The following USH2A variants were observed in gnomAD, a reference collection of about 807,000 sequenced individuals.
USH2A encodes the protein Usher syndrome 2A (autosomal recessive, mild).
In USH2A, 443 loss-of-function variants were observed where a neutral mutation model predicts 538.9. The ratio of observed to expected loss-of-function variants is 0.82; its 90% CI spans 0.76 to 0.89. The LOEUF (loss-of-function observed/expected upper bound fraction) is 0.89. Among genes scored for constraint, USH2A ranks in the 40% least tolerant of loss-of-function variants. The pLI is 0.00. For synonymous variants in USH2A, 2,413 were observed against 2,273.5 expected (o/e 1.06, Z -1.75); for missense variants, 6,633 against 6,324.8 (o/e 1.05, Z -1.65).
chr1:216,372,527 C>G (rs2038732300), intron 3 of USH2A, among the ~76,000 whole-genome samples: 2 of 152,114 alleles, frequency 1.3e-5, no homozygotes, highest in South Asian at 4.1e-4. Context: ...AAACAAGTCT[C>G]CATTTAATTG....
chr1:215,791,290 TTTTG>T (rs1217971153), intron 50 of USH2A, among the ~76,000 whole-genome samples: 11 of 152,358 alleles, frequency 7.2e-5, no homozygotes, highest in African/African-American at 1.2e-4. Flanking sequence ...TTAATTGGAA[TTTTG>T]TTTGTTTATT....
chr1:215,718,549 C>T (rs1659553073), intron 61 of USH2A, among the ~76,000 whole-genome samples: 1 of 152,200 alleles, frequency 6.6e-6, no homozygotes, highest in Non-Finnish European at 1.5e-5. Flanking sequence ...ACCTCTTGCT[C>T]TAATGCAATT....
intron 3 of USH2A, among the ~76,000 whole-genome samples, chr1:216,389,473 G>T (rs1025540399): frequency 6.6e-6 from 1 of 152,044 alleles, no homozygotes; most frequent in Non-Finnish European, 1.5e-5. Flanking sequence ...TTCTTCCAGA[G>T]AAATTAACTA....
chr1:216,176,576 C>T (rs1457412284), intron 20 of USH2A, among the ~76,000 whole-genome samples: 1 of 152,126 alleles, frequency 6.6e-6, no homozygotes, highest in Non-Finnish European at 1.5e-5. Flanking sequence ...ATTCAAAGTA[C>T]ATAGTTTCCA....
At position 216,111,179 on chromosome 1, in the gene USH2A, C is replaced by A. The variant is rs372315618; in HGVS notation, c.4628-13966G>T. 9.2e-5 allele frequency among the ~76,000 whole-genome samples: 14 copies of A among 152,160 alleles called. No individual in the cohort carries two copies. The East Asian group carries it at 2.3e-3, about 25-fold the overall frequency. On this transcript the variant is annotated intron_variant, in intron 21 of 71. Transcript: ENST00000307340. ...GCGGAGGTTGGAGGTTGCAGTGAGC[C>A]GAGATCGTGCCACTGCACTCTAGCC...
intron 50 of USH2A, among the ~76,000 whole-genome samples, chr1:215,792,848 A>C (rs555985616): frequency 6.6e-6 from 1 of 152,364 alleles, no homozygotes; most frequent in South Asian, 2.1e-4. Flanking sequence ...AAAATAGGTC[A>C]TGCATTATTG....
chr1:215,964,121 A>C (rs1316132163), intron 37 of USH2A, among the ~76,000 whole-genome samples: 1 of 152,154 alleles, frequency 6.6e-6, no homozygotes, highest in African/African-American at 2.4e-5. Context: ...CTCTGCAAAA[A>C]CAATGCAAGA....
At chr1:215,952,212 T>C (rs1666938553) in intron 37 of USH2A, among the ~76,000 whole-genome samples, 1 of 152,192 alleles carries the variant, frequency 6.6e-6, no homozygotes, top group Non-Finnish European at 1.5e-5. Flanking sequence ...CCCCTGACTT[T>C]TTTAGTTTTC....
chr1:215,641,809 C>T (rs1468098229), intron 67 of USH2A, among the ~76,000 whole-genome samples: 1 of 152,044 alleles, frequency 6.6e-6, no homozygotes, highest in Non-Finnish European at 1.5e-5. Context: ...TTGTAATATT[C>T]AACCGTAAAG....
chr1:215,732,447 T>C (rs1021015761), intron 60 of USH2A, among the ~76,000 whole-genome samples: 10 of 152,074 alleles, frequency 6.6e-5, no homozygotes, highest in African/African-American at 2.2e-4. Context: ...TATAGTTTCT[T>C]ATATTCCATT....
At chr1:216,265,635 GAT>G (rs55801516) in intron 11 of USH2A, among the ~76,000 whole-genome samples, 142,184 of 149,298 alleles carry the variant, frequency 0.95, 67,705 homozygotes, top group East Asian at 0.98. Context: ...AAGAAAATTT[GAT>G]ATATATATAT....
rs1042775806 is a variant in USH2A, at chr1:216,406,964, T to C, written c.651+11550A>G. 8.5e-5 allele frequency among the ~76,000 whole-genome samples: 13 copies of C among 152,264 alleles called. No homozygotes were observed. The East Asian group carries it at 1.5e-3, about 18-fold the overall frequency. On this transcript the variant is annotated intron_variant, in intron 3 of 71. Coordinates refer to ENST00000307340, the MANE Select transcript of USH2A (RefSeq NM_206933.4). ...CTTGGTCACCTCTACCACAGTGAAA[T>C]TGGCATGGGCTGACTCTCCTTCTCA...
chr1:215,921,588 T>C (rs1666100615), intron 38 of USH2A, among the ~76,000 whole-genome samples: 1 of 152,046 alleles, frequency 6.6e-6, no homozygotes, highest in Admixed American at 6.6e-5. Context: ...TCAAAATCTG[T>C]GTTGCTGCTG....
Position 215,993,081 on chromosome 1 carries a change from T to C in USH2A, c.6744A>G (p.Lys2248=). Reference sequence around the variant, plus strand: ...AGGAGTCAGGTGAATATGAGTGGGCTTTGGGGGCTGGCACGCCTTCGGGTA... The same window carrying C: ...AGGAGTCAGGTGAATATGAGTGGGCCTTGGGGGCTGGCACGCCTTCGGGTA... ...EDIPEGVPAP[K]AHSYSPDSFN... Residue 2248 remains lysine (K), a synonymous_variant, in exon 35 of 72, where the codon AAA becomes AAG. Transcript: ENST00000307340. The C allele has an allele frequency of 6.2e-7, 1 of 1,614,116 alleles. No homozygotes were observed. Among genetic ancestry groups the C allele is most frequent in the Non-Finnish European group, 8.5e-7 (1 of 1,179,996 alleles).
At chr1:216,309,403 ATGTTGTTTTC>A (rs755890317) in intron 9 of USH2A, among the ~76,000 whole-genome samples, 49 of 152,146 alleles carry the variant, frequency 3.2e-4, no homozygotes, top group Non-Finnish European at 6.0e-4. Context: ...CAATAGGTGG[ATGTTGTTTTC>A]TCTTTCAGCC....
At chr1:215,883,494 A>G (rs1424374513) in intron 41 of USH2A, among the ~76,000 whole-genome samples, 1 of 151,882 alleles carries the variant, frequency 6.6e-6, no homozygotes, top group Non-Finnish European at 1.5e-5. Flanking sequence ...CATTTAGATT[A>G]CATGAAATTC....
chr1:216,084,634 TA>T (rs1221292038), intron 25 of USH2A, 63 bp downstream of exon 25: 51 of 1,573,018 alleles, frequency 3.2e-5, no homozygotes, highest in Non-Finnish European at 4.3e-5. Flanking sequence ...CAGGAGAGAT[TA>T]AATTATACAA....
intron 9 of USH2A, among the ~76,000 whole-genome samples, chr1:216,314,893 A>G (rs938896912): frequency 2.0e-5 from 3 of 152,228 alleles, no homozygotes; most frequent in African/African-American, 7.2e-5. Context: ...TCACAAAATG[A>G]CGAAAGAATA....
At chr1:216,120,219 C>CA (rs10525093) in intron 21 of USH2A, among the ~76,000 whole-genome samples, 1,443 of 99,582 alleles carry the variant, frequency 0.014, 72 homozygotes, top group African/African-American at 0.027. Context: ...TACTAAATAG[C>CA]AAAAAAAAAA....
Sources: allele counts gnomAD v4.1 joint callset (sites outside exome capture counted in the v4.1 genomes callset), GRCh38; gene constraint gnomAD v4.1.1; transcripts MANE v1.5; gene names NCBI Gene and HGNC (gene_info 2026-07-23, HGNC 2026-07-21).